SRGAP1: variants seen among roughly 807,000 people sequenced by gnomAD.
SRGAP1 encodes SLIT-ROBO Rho GTPase activating protein 1.
SRGAP1 carries 43 observed loss-of-function variants against 121.9 expected under a neutral mutation model. The ratio of observed to expected loss-of-function variants is 0.35; its 90% CI spans 0.28 to 0.46. SRGAP1 has a LOEUF of 0.46. Ranked by LOEUF, SRGAP1 falls within the 20% of genes least tolerant of loss-of-function variation. The pLI, the probability that SRGAP1 is intolerant of heterozygous loss-of-function variation, is 1.00. For missense variants in SRGAP1, 1,102 were observed against 1,350.9 expected (o/e 0.82, Z 2.89); for synonymous variants, 447 against 485.4 (o/e 0.92, Z 1.04).
At chr12:63,936,675 C>T (rs1404664337) in intron 1 of SRGAP1, among the ~76,000 whole-genome samples, 1 of 152,082 alleles carries the variant, frequency 6.6e-6, no homozygotes, top group Non-Finnish European at 1.5e-5. Flanking sequence ...TAGTTTCTTC[C>T]GTTTTACTTA....
intron 1 of SRGAP1, among the ~76,000 whole-genome samples, chr12:63,870,660 C>G (rs1899821382): frequency 6.6e-6 from 1 of 151,768 alleles, no homozygotes; most frequent in South Asian, 2.1e-4. Context: ...CTGCGTCAAC[C>G]TCCTGAGTAG....
intron 3 of SRGAP1, among the ~76,000 whole-genome samples, chr12:64,001,687 A>G (rs2136436536): frequency 6.6e-6 from 1 of 152,318 alleles, no homozygotes; most frequent in South Asian, 2.1e-4. Context: ...TGCAAATGCA[A>G]GAAAGAACAC....
chr12:63,971,738 G>T (rs573878338), intron 1 of SRGAP1, among the ~76,000 whole-genome samples: 1 of 152,058 alleles, frequency 6.6e-6, no homozygotes, highest in Non-Finnish European at 1.5e-5. Flanking sequence ...TAAAAGGTGT[G>T]TGTGGGTATA....
At chr12:64,020,843 C>CAA (rs34144761) in intron 4 of SRGAP1, among the ~76,000 whole-genome samples, 3,338 of 69,828 alleles carry the variant, frequency 0.048, 195 homozygotes, top group African/African-American at 0.14. Flanking sequence ...GACTCCGTCT[C>CAA]AAAAAAAAAA....
At chr12:64,001,470 A>G (rs1401669951) in intron 3 of SRGAP1, among the ~76,000 whole-genome samples, 1 of 152,190 alleles carries the variant, frequency 6.6e-6, no homozygotes, top group Non-Finnish European at 1.5e-5. Flanking sequence ...AAGCAAGCAG[A>G]TACTTGAAAA....
chr12:64,137,212 C>T (rs955127493), intron 21 of SRGAP1, among the ~76,000 whole-genome samples: 1 of 151,342 alleles, frequency 6.6e-6, no homozygotes, highest in Non-Finnish European at 1.5e-5. Flanking sequence ...CGCAGTGAGC[C>T]GAGATCACAG....
intron 14 of SRGAP1, among the ~76,000 whole-genome samples, chr12:64,095,508 T>C (rs571782542): frequency 2.6e-4 from 40 of 152,274 alleles, no homozygotes; most frequent in African/African-American, 8.9e-4. Context: ...AGGGCAGCCC[T>C]GGGCCTAGAC....
intron 5 of SRGAP1, 127 bp from the exon 6 acceptor site, chr12:64,043,320 G>A (rs2035060191): frequency 1.1e-6 from 1 of 927,098 alleles, no homozygotes; most frequent in African/African-American, 1.7e-5. Context: ...TTTGGCAAAG[G>A]ACTTTCAGGG....
At chr12:63,943,068 G>T (rs748904479) in intron 1 of SRGAP1, among the ~76,000 whole-genome samples, 1 of 152,184 alleles carries the variant, frequency 6.6e-6, no homozygotes, top group African/African-American at 2.4e-5. Context: ...TCAGTGAGTT[G>T]TACGTCACTT....
chr12:64,104,127 C>T (rs1472095127), intron 15 of SRGAP1, among the ~76,000 whole-genome samples: 1 of 152,158 alleles, frequency 6.6e-6, no homozygotes, highest in Admixed American at 6.5e-5. Context: ...CACAGAAGAA[C>T]CAGTATTTTC....
Position 64,150,497 on chromosome 12 carries a change from T to C in SRGAP1, c.*7825T>C, listed in dbSNP as rs1355229614. 3.9e-5 allele frequency: 6 copies of C among 152,128 alleles called. No individual in the cohort carries two copies. The highest frequency in any genetic ancestry group is 8.8e-5 in the Non-Finnish European group (6 of 68,026). The allele number at this position is 152,128 out of a possible 1,614,324, so 9.4% of individuals were successfully genotyped here. ...CAAGGAACCCCTTGTGTAAAAATCA[T>C]GTCCCTCTAAATGCAAGTGGATGAT... On this transcript the variant is annotated 3_prime_UTR_variant, in exon 22 of 22. Coordinates refer to ENST00000355086, the MANE Select transcript of SRGAP1 (RefSeq NM_020762.4).
intron 1 of SRGAP1, among the ~76,000 whole-genome samples, chr12:63,949,839 A>C (rs372634844): frequency 3.7e-4 from 57 of 152,210 alleles, no homozygotes; most frequent in African/African-American, 1.3e-3. Flanking sequence ...GAGGAATCCA[A>C]TTAATGATTC....
chr12:63,915,835 G>A lies in SRGAP1; in HGVS notation c.68-68112G>A, dbSNP rs556260794. 1.7e-3 allele frequency among the ~76,000 whole-genome samples: 253 copies of A among 152,234 alleles called. 1 individual carries two copies. The highest frequency in any genetic ancestry group is 5.7e-3 in the African/African-American group (237 of 41,558). On this transcript the variant is annotated intron_variant, in intron 1 of 21. Transcript: ENST00000355086. Reference sequence around the variant, plus strand: ...TCAGAACAGAAACTCAGCTCAAAACGTTTTGAGCAGCCTTTCACTAACCTT... The same window carrying A: ...TCAGAACAGAAACTCAGCTCAAAACATTTTGAGCAGCCTTTCACTAACCTT...
intron 1 of SRGAP1, among the ~76,000 whole-genome samples, chr12:63,877,034 G>A (rs1244941908): frequency 6.6e-6 from 1 of 152,098 alleles, no homozygotes; most frequent in Admixed American, 6.6e-5. Flanking sequence ...GACTAGCCTG[G>A]CTAACATGGC....
At chr12:63,971,656 A>G (rs1405395155) in intron 1 of SRGAP1, among the ~76,000 whole-genome samples, 1 of 152,078 alleles carries the variant, frequency 6.6e-6, no homozygotes, top group Non-Finnish European at 1.5e-5. Flanking sequence ...TAAAATAATG[A>G]AGAAGAGAAT....
At position 64,064,218 on chromosome 12, in the gene SRGAP1, A is replaced by G. The variant is rs570406809; in HGVS notation, c.1024-900A>G. 1.9e-4 allele frequency among the ~76,000 whole-genome samples: 29 copies of G among 152,170 alleles called. 1 individual carries two copies. In the South Asian group the frequency reaches 5.8e-3, roughly 30 times the overall value. ...AAAGTAAGTTGGTTGCCCTTTTTTTATGGCCAGTTCTGCTAAGGAGCAGTG... is the reference window on the plus strand; with the variant it reads ...AAAGTAAGTTGGTTGCCCTTTTTTTGTGGCCAGTTCTGCTAAGGAGCAGTG... On this transcript the variant is annotated intron_variant, in intron 7 of 21. Transcript: ENST00000355086.
At position 64,156,528 on chromosome 12, in the gene SRGAP1, G is replaced by C. The variant is rs998828864; in HGVS notation, c.*13856G>C. On this transcript the variant is annotated 3_prime_UTR_variant, in exon 22 of 22. Transcript: ENST00000355086. ...AGGGTACTCATCTACAGGATGAAAG[G>C]GTATGAGCACGTTTCTAGGTGCCCT... 1.4e-4 allele frequency: 21 copies of C among 152,144 alleles called. No individual in the cohort carries two copies. The highest frequency in any genetic ancestry group is 5.1e-4 in the African/African-American group (21 of 41,420). 9.4% of individuals were successfully genotyped at this position (152,144 alleles called of 1,614,324 possible). A position where few individuals can be genotyped will look rare whatever the true frequency, so the allele number is the denominator to read the frequency against.
chr12:64,035,374 T>G (rs1319575634), intron 4 of SRGAP1, among the ~76,000 whole-genome samples: 2 of 152,178 alleles, frequency 1.3e-5, no homozygotes, highest in Non-Finnish European at 2.9e-5. Flanking sequence ...CTATTTGTAG[T>G]GCAGTAAGAG....
At chr12:64,044,233 A>G (rs972223717) in intron 6 of SRGAP1, among the ~76,000 whole-genome samples, 2 of 152,158 alleles carry the variant, frequency 1.3e-5, no homozygotes, top group African/African-American at 4.8e-5. Flanking sequence ...CCTCCACATT[A>G]TTAATTCATC....
Sources: allele counts gnomAD v4.1 joint callset (sites outside exome capture counted in the v4.1 genomes callset), GRCh38; gene constraint gnomAD v4.1.1; transcripts MANE v1.5; gene names NCBI Gene and HGNC (gene_info 2026-07-23, HGNC 2026-07-21).